SETDB1: variants seen among roughly 807,000 people sequenced by gnomAD.
SETDB1 encodes the protein SET domain bifurcated histone lysine methyltransferase 1, also known as histone-lysine N-methyltransferase SETDB1.
Under a neutral mutation model 137.4 loss-of-function variants are expected in SETDB1, and 31 were observed. The ratio of observed to expected loss-of-function variants is 0.23; its 90% CI spans 0.17 to 0.30. The LOEUF (loss-of-function observed/expected upper bound fraction) is 0.30, where lower values mean the gene tolerates loss of function less well. Ranked by LOEUF, SETDB1 falls within the 10% of genes least tolerant of loss-of-function variation. The pLI, the probability that SETDB1 is intolerant of heterozygous loss-of-function variation, is 1.00. For missense variants in SETDB1, 1,113 were observed against 1,631.5 expected (o/e 0.68, Z 5.47); for synonymous variants, 548 against 579.9 (o/e 0.95, Z 0.79).
chr1:150,929,524 G>T (rs924233984), intron 2 of SETDB1, among the ~76,000 whole-genome samples: 1 of 151,776 alleles, frequency 6.6e-6, no homozygotes, highest in African/African-American at 2.4e-5. Context: ...GACGACAAGC[G>T]TGTGCCACCA....
intron 7 of SETDB1, 53 bp downstream of exon 7, chr1:150,943,106 C>A: frequency 7.8e-7 from 1 of 1,279,514 alleles, no homozygotes; most frequent in South Asian, 1.2e-5. Flanking sequence ...CAGCACCTGC[C>A]CTGTTCGTGC....
chr1:150,941,163 C>A (rs1424362048), intron 4 of SETDB1, among the ~76,000 whole-genome samples, 166 bp from the exon 5 acceptor site: 18 of 150,860 alleles, frequency 1.2e-4, no homozygotes, highest in Admixed American at 1.2e-3. Context: ...AACTCCATAT[C>A]AAAAAAAAAG....
At chr1:150,952,017 G>A (rs939653174) in intron 14 of SETDB1, among the ~76,000 whole-genome samples, 2 of 151,922 alleles carry the variant, frequency 1.3e-5, no homozygotes, top group South Asian at 2.1e-4. Context: ...GGGTGGTGGC[G>A]GGTGCCTGCA....
chr1:150,936,693 A>G (rs890949410), intron 3 of SETDB1, among the ~76,000 whole-genome samples: 4 of 152,122 alleles, frequency 2.6e-5, no homozygotes, highest in African/African-American at 9.7e-5. Flanking sequence ...TTTATTTGAT[A>G]TATATTTTTT....
chr1:150,963,125 A>T lies in SETDB1; in HGVS notation c.3446A>T (p.Lys1149Met). The change falls in exon 19 of 22, where the codon AAG (lysine) becomes ATG (methionine). Residue 1149 changes from lysine (K) to methionine (M), a missense_variant. By Grantham distance (95) the Lys-to-Met change is moderately conservative. Around this residue, in one of 11 missense-constraint regions of SETDB1, gnomAD observed 373 missense variants for 412.7 expected, o/e 0.90. Coordinates refer to ENST00000692827, the MANE Select transcript of SETDB1 (RefSeq NM_001366418.1). ...SGSEGDDFED[K>M]KNMTGPMKRQ... ...TCTGAAGGGGATGACTTTGAGGACAAGAAGAACATGACTGGTAGCCTGGAA... is the reference window on the plus strand; with the variant it reads ...TCTGAAGGGGATGACTTTGAGGACATGAAGAACATGACTGGTAGCCTGGAA... 6.2e-7 allele frequency: 1 copy of T among 1,613,576 alleles called. No individual in the cohort carries two copies. Among genetic ancestry groups the T allele is most frequent in the Non-Finnish European group, 8.5e-7 (1 of 1,179,590 alleles).
chr1:150,944,126 T>C (rs1670249604), intron 8 of SETDB1, 133 bp downstream of exon 8: 1 of 710,966 alleles, frequency 1.4e-6, no homozygotes, highest in African/African-American at 1.8e-5. Flanking sequence ...TTGATGTCTT[T>C]TGCTCCCAAA....
chr1:150,929,889 T>C (rs916573428), intron 2 of SETDB1, 78 bp from the exon 3 acceptor site: 4 of 1,200,714 alleles, frequency 3.3e-6, no homozygotes, highest in East Asian at 4.7e-5. Flanking sequence ...TACTTAAATA[T>C]ATATACATCG....
chr1:150,936,798 C>T (rs1409700538), intron 3 of SETDB1, among the ~76,000 whole-genome samples: 1 of 151,908 alleles, frequency 6.6e-6, no homozygotes, highest in African/African-American at 2.4e-5. Flanking sequence ...AGACTACAGG[C>T]AAGTGCCACC....
chr1:150,947,189 T>G (rs998988130), intron 10 of SETDB1, among the ~76,000 whole-genome samples, 177 bp downstream of exon 10: 1 of 152,254 alleles, frequency 6.6e-6, no homozygotes, highest in Non-Finnish European at 1.5e-5. Context: ...TTCCACATGC[T>G]GTGGCTCTAA....
intron 16 of SETDB1, chr1:150,961,862 A>G: frequency 1.9e-6 from 1 of 526,442 alleles, no homozygotes; most frequent in South Asian, 2.9e-5. Context: ...TTTCCACATT[A>G]CAGATGGTGA....
intron 3 of SETDB1, among the ~76,000 whole-genome samples, chr1:150,930,740 C>G (rs1253787853): frequency 6.6e-6 from 1 of 151,628 alleles, no homozygotes; most frequent in Non-Finnish European, 1.5e-5. Context: ...GTTTCATCAT[C>G]TTGGCCAGGC....
chr1:150,959,444 G>A (rs948102985), intron 15 of SETDB1, 97 bp downstream of exon 15: 6 of 1,002,546 alleles, frequency 6.0e-6, no homozygotes, highest in Non-Finnish European at 7.6e-6. Flanking sequence ...TGCTTGACAT[G>A]TGAACTGGAG....
chr1:150,952,653 C>T (rs1393118302), intron 14 of SETDB1, among the ~76,000 whole-genome samples: 2 of 151,186 alleles, frequency 1.3e-5, no homozygotes, highest in South Asian at 4.2e-4. Context: ...CTGAGGCGGG[C>T]GGATCACCTG....
chr1:150,946,056 G>A (rs183428470), intron 9 of SETDB1, among the ~76,000 whole-genome samples: 64 of 152,082 alleles, frequency 4.2e-4, no homozygotes, highest in Middle Eastern at 3.4e-3. Flanking sequence ...GTCTCACTCT[G>A]CCACCCAGGC....
intron 10 of SETDB1, 33 bp downstream of exon 10, chr1:150,947,045 A>G (rs1388018347): frequency 5.6e-6 from 9 of 1,612,388 alleles, no homozygotes; most frequent in African/African-American, 1.3e-5. Flanking sequence ...AGGAAGGAAG[A>G]AACAGGCCAA....
At chr1:150,960,138 C>A (rs1396136949) in intron 15 of SETDB1, among the ~76,000 whole-genome samples, 1 of 151,548 alleles carries the variant, frequency 6.6e-6, no homozygotes, top group East Asian at 1.9e-4. Context: ...ACTCTATATG[C>A]TGGTAGAGCG....
chr1:150,932,498 T>C (rs1669791440), intron 3 of SETDB1, among the ~76,000 whole-genome samples: 1 of 152,148 alleles, frequency 6.6e-6, no homozygotes, highest in African/African-American at 2.4e-5. Flanking sequence ...TTTAGATTTA[T>C]AGAAAAATTG....
At position 150,953,915 on chromosome 1, in the gene SETDB1, C is replaced by T. The variant is rs1043878265; in HGVS notation, c.2333+2434C>T. On this transcript the variant is annotated intron_variant, in intron 14 of 21. Transcript: ENST00000692827. ...TGTCGCCCAGGCTGGAGTGCAGTGG[C>T]GTGATCTCAGCTCACTGCAAGCTCC... Among the ~76,000 whole-genome samples the T allele has an allele frequency of 2.0e-5, 3 of 150,988 alleles. No homozygotes were observed. In the South Asian group the frequency reaches 6.4e-4, roughly 32 times the overall value.
At chr1:150,956,170 G>A (rs1670635038) in intron 14 of SETDB1, among the ~76,000 whole-genome samples, 1 of 151,250 alleles carries the variant, frequency 6.6e-6, no homozygotes, top group Non-Finnish European at 1.5e-5. Flanking sequence ...GGTGGATTAC[G>A]AGGTCAGGAA....
Sources: gnomAD v4.1 joint callset for allele counts (sites outside exome capture counted in the v4.1 genomes callset) on GRCh38, gnomAD v4.1.1 for gene constraint, gnomAD v4.1.1 regional missense constraint, MANE v1.5 for transcripts, NCBI Gene and HGNC (gene_info 2026-07-23, HGNC 2026-07-21) for gene names.